The following LMF1 variants were observed in gnomAD, a reference collection of about 807,000 sequenced individuals.
LMF1 encodes lipase maturation factor 1, also known as transmembrane protein 112.
Under a neutral mutation model 60.6 loss-of-function variants are expected in LMF1, and 68 were observed. The ratio of observed to expected loss-of-function variants is 1.12; its 90% CI spans 0.92 to 1.37. The LOEUF is 1.37. LMF1 is among the 40% of genes most tolerant of loss of function. The pLI, the probability that LMF1 is intolerant of heterozygous loss-of-function variation, is 0.00. For missense variants in LMF1, 948 were observed against 767.2 expected (o/e 1.24, Z -2.78); for synonymous variants, 418 against 324.7 (o/e 1.29, Z -3.09).
intron 1 of LMF1, among the ~76,000 whole-genome samples, chr16:955,665 G>A (rs868739429): frequency 3.9e-5 from 6 of 152,240 alleles, no homozygotes; most frequent in Non-Finnish European, 7.3e-5. Context: ...TATAAATTCC[G>A]TGTCTGCAGC....
At chr16:981,297 TGTGTGTGAGAGAGAGA>T (rs2073354852), upstream of LMF1, 2 of 392,850 alleles carry the variant, frequency 5.1e-6, no homozygotes, top group Non-Finnish European at 5.0e-6. Flanking sequence ...TGTGTGTGTG[TGTGTGTGAGAGAGAGA>T]GAGAGAGAGA....
At chr16:921,727 C>T (rs1272409391) in intron 3 of LMF1, among the ~76,000 whole-genome samples, 1 of 152,138 alleles carries the variant, frequency 6.6e-6, no homozygotes, top group Admixed American at 6.5e-5. Flanking sequence ...CGCTGAAGCA[C>T]CGACGCAGGG....
upstream of LMF1, chr16:981,347 A>AGAGAGAGAGAGAGAGAGAGT (rs1302286541): frequency 1.1e-5 from 1 of 94,616 alleles, no homozygotes; most frequent in African/African-American, 7.9e-5. Context: ...AGAGAGAGAG[A>AGAGAGAGAGAGAGAGAGAGT]GTGTGTGTGT....
intron 6 of LMF1, among the ~76,000 whole-genome samples, chr16:876,273 C>T (rs4984701): frequency 0.44 from 67,360 of 152,108 alleles, 14,917 homozygotes; most frequent in South Asian, 0.54. Flanking sequence ...AAAGGCTGCA[C>T]AATGCTTCCC....
intron 4 of LMF1, among the ~76,000 whole-genome samples, chr16:905,540 C>T (rs952265634): frequency 5.9e-5 from 9 of 152,188 alleles, no homozygotes; most frequent in Non-Finnish European, 1.2e-4. Context: ...TTTCAAGTGC[C>T]GTGAGAGCCA....
intron 3 of LMF1, among the ~76,000 whole-genome samples, chr16:921,856 C>T (rs1260708481): frequency 3.3e-5 from 5 of 152,130 alleles, no homozygotes; most frequent in Non-Finnish European, 7.3e-5. Flanking sequence ...AGGAGAAAAA[C>T]AAAGGTTAAA....
At chr16:869,641 T>G in intron 9 of LMF1, 1 of 657,126 alleles carries the variant, frequency 1.5e-6, no homozygotes, top group Non-Finnish European at 2.8e-6. Context: ...CTGGGATTCC[T>G]GGCATGAGAC....
At chr16:957,906 G>A (rs1000213609) in intron 1 of LMF1, among the ~76,000 whole-genome samples, 12 of 152,302 alleles carry the variant, frequency 7.9e-5, no homozygotes, top group Non-Finnish European at 1.2e-4. Flanking sequence ...ACTTTGGGAG[G>A]CTGAGGCAGG....
chr16:951,034 G>A (rs1417891359), intron 2 of LMF1, among the ~76,000 whole-genome samples: 2 of 131,600 alleles, frequency 1.5e-5, no homozygotes, highest in Non-Finnish European at 3.1e-5. Flanking sequence ...CAGAGTCAGA[G>A]CCAATGACAG....
chr16:854,652 G>T lies in LMF1; in HGVS notation c.1584C>A (p.His528Gln). 1.2e-6 allele frequency: 2 copies of T among 1,605,698 alleles called. No homozygotes were observed. The highest frequency in any genetic ancestry group is 1.7e-6 in the Non-Finnish European group (2 of 1,178,284). ...GCACCCACCACTTGCCCTCGGCGGC[G>T]TGCCTGCCCCCAGGACGGCTGAACT... ...RYKFSRPGGR[H>Q]AAEGKWWVRK... The change falls in exon 11 of 11, where the codon CAC becomes CAA. Residue 528 changes from histidine to glutamine, a missense_variant. Coordinates refer to ENST00000262301, the MANE Select transcript of LMF1 (RefSeq NM_022773.4).
chr16:911,936 C>G (rs955327319), intron 3 of LMF1, among the ~76,000 whole-genome samples: 2 of 152,172 alleles, frequency 1.3e-5, no homozygotes, highest in Non-Finnish European at 2.9e-5. Flanking sequence ...CACTGGAAAC[C>G]CAGCATAAGA....
rs777964574 is a variant in LMF1, at chr16:868,949, C to T, written c.1524G>A (p.Pro508=). The T allele has an allele frequency of 6.2e-6, 10 of 1,606,748 alleles. No individual in the cohort carries two copies. Among genetic ancestry groups the T allele is most frequent in the East Asian group, 2.2e-5 (1 of 44,846 alleles). The part of the protein sequence containing the change: ...LAHNPFAGRP[P]PRWVRGEHYR... ...CGGCAGGGAGGGCATCCTACCTGGG[C>T]GGGGGCCTGCCCGCGAAGGGGTTGT... The change falls in exon 10 of 11, where the codon CCG becomes CCA. Residue 508 remains proline, a synonymous_variant. Transcript: ENST00000262301.
Position 944,168 on chromosome 16 carries a change from G to A in LMF1, c.504-9914C>T, listed in dbSNP as rs751112562. ...GTCTTATGCAAGTCACCTCTGGACC[G>A]GCTGATGGGGAGGCTTGTCTCCCAG... is the stretch of plus-strand genomic sequence containing the variant. On this transcript the variant is annotated intron_variant, in intron 2 of 10. Coordinates refer to ENST00000262301, the MANE Select transcript of LMF1 (RefSeq NM_022773.4). 4.9e-4 allele frequency among the ~76,000 whole-genome samples: 74 copies of A among 152,114 alleles called. 1 individual carries two copies. The highest frequency in any genetic ancestry group is 1.0e-3 in the South Asian group (5 of 4,804).
intron 1 of LMF1, chr16:963,949 C>T (rs1021309352): frequency 1.9e-5 from 8 of 427,692 alleles, no homozygotes; most frequent in African/African-American, 8.1e-5. Flanking sequence ...ACAAAACTAA[C>T]CAAGCAGTCA....
chr16:959,853 A>C (rs1193764243), intron 1 of LMF1, among the ~76,000 whole-genome samples: 1 of 131,046 alleles, frequency 7.6e-6, no homozygotes, highest in Non-Finnish European at 1.5e-5. Flanking sequence ...ACCGTGTGCC[A>C]GGACGGGAGG....
At chr16:954,198 A>C in intron 2 of LMF1, 159 bp downstream of exon 2, 1 of 792,264 alleles carries the variant, frequency 1.3e-6, no homozygotes, top group Non-Finnish European at 2.1e-6. Context: ...TGGCTGGTGC[A>C]CTGGCCGCTC....
intron 5 of LMF1, among the ~76,000 whole-genome samples, chr16:889,307 C>G (rs1191420604): frequency 6.6e-6 from 1 of 152,070 alleles, no homozygotes; most frequent in Non-Finnish European, 1.5e-5. Flanking sequence ...CGGCAACTGC[C>G]TTTCGTTACC....
chr16:932,831 T>C (rs1048777216), intron 3 of LMF1, among the ~76,000 whole-genome samples: 2 of 152,216 alleles, frequency 1.3e-5, no homozygotes, highest in African/African-American at 2.4e-5. Context: ...CCTGGCGCAC[T>C]GCGGGGGAGG....
intron 10 of LMF1, among the ~76,000 whole-genome samples, chr16:864,948 T>C (rs569813850): frequency 6.6e-6 from 1 of 152,350 alleles, no homozygotes; most frequent in Admixed American, 6.5e-5. Context: ...TTGGCTTATT[T>C]AGACCATTTA....
Sources: allele counts gnomAD v4.1 joint callset (sites outside exome capture counted in the v4.1 genomes callset), GRCh38; gene constraint gnomAD v4.1.1; transcripts MANE v1.5; gene names NCBI Gene and HGNC (gene_info 2026-07-23, HGNC 2026-07-21).